Variants in LPIN1 observed in about 807,000 individuals in gnomAD.
LPIN1 encodes lipin 1.
Under a neutral mutation model 107.5 loss-of-function variants are expected in LPIN1, and 71 were observed. That is an observed-to-expected ratio of 0.66 (90% CI 0.55 to 0.80). LPIN1 has a LOEUF of 0.80. Ranked by LOEUF, LPIN1 falls within the 30% of genes least tolerant of loss-of-function variation. The pLI is 0.00. For synonymous variants in LPIN1, 445 were observed against 452.6 expected (o/e 0.98, Z 0.21); for missense variants, 1,043 against 1,160.6 (o/e 0.90, Z 1.47).
intron 1 of LPIN1, among the ~76,000 whole-genome samples, chr2:11,757,335 G>C (rs375435226): frequency 2.9e-4 from 44 of 152,298 alleles, no homozygotes; most frequent in Middle Eastern, 3.4e-3. Context: ...TGTTTTAGCA[G>C]ACAGCAGGAA....
intron 1 of LPIN1, among the ~76,000 whole-genome samples, chr2:11,753,007 C>T (rs1668090879): frequency 6.6e-6 from 1 of 152,108 alleles, no homozygotes; most frequent in Non-Finnish European, 1.5e-5. Context: ...TATGAAATTG[C>T]GGTCGTGAAT....
intron 17 of LPIN1, among the ~76,000 whole-genome samples, chr2:11,809,696 G>A (rs776136518): frequency 3.4e-4 from 51 of 152,200 alleles, no homozygotes; most frequent in South Asian, 2.1e-4. Flanking sequence ...GATTACAGGC[G>A]TGAGCCACTG....
Position 11,707,482 on chromosome 2 carries a change from A to G in LPIN1, c.82-6274A>G, listed in dbSNP as rs1192867202. On this transcript the variant is annotated intron_variant, in intron 1 of 21. Coordinates refer to the LPIN1 transcript ENST00000449576. This position sits in a 1 kb window ranked among gnomAD's most constrained non-coding sequence, Gnocchi z 4.2. ...GAATTTACTGAGCAGACCGGGGAGC[A>G]CGGGAAGTTTTGAGCTGAGGAGTGG... is the stretch of plus-strand genomic sequence containing the variant. Among the ~76,000 whole-genome samples the G allele has an allele frequency of 6.6e-6, 1 of 152,230 alleles. No homozygotes were observed. The highest frequency in any genetic ancestry group is 1.5e-5 in the Non-Finnish European group (1 of 68,034).
intron 1 of LPIN1, among the ~76,000 whole-genome samples, chr2:11,702,313 T>C (rs1453220627): frequency 6.6e-6 from 1 of 152,202 alleles, no homozygotes; most frequent in Non-Finnish European, 1.5e-5. Context: ...GTACACAGGC[T>C]GTCCCTAGTT....
chr2:11,765,664 A>G lies in LPIN1; in HGVS notation c.123A>G (p.Gly41=). 6.2e-7 allele frequency: 1 copy of G among 1,614,050 alleles called. No homozygotes were observed. The highest frequency in any genetic ancestry group is 8.5e-7 in the Non-Finnish European group (1 of 1,179,956). ...IDIIVIRQPN[G]NLQCSPFHVR... ...TCATTGTCATCCGCCAGCCCAATGG[A>G]AACCTCCAATGCTCCCCTTTCCACG... Residue 41 remains glycine (G), a synonymous_variant, in exon 2 of 21, where the codon GGA becomes GGG. Coordinates refer to ENST00000674199, the MANE Select transcript of LPIN1 (RefSeq NM_001349206.2). The surrounding 1 kb of genome is among the most constrained non-coding windows in gnomAD (Gnocchi z 4.4).
At chr2:11,683,091 A>G (rs1488479366) in intron 1 of LPIN1, 1 of 152,176 alleles carries the variant, frequency 6.6e-6, no homozygotes, top group East Asian at 1.9e-4. Context: ...GGCCTTCAAC[A>G]AGGTCCCTTC....
chr2:11,708,974 G>T (rs1339729831), intron 1 of LPIN1, among the ~76,000 whole-genome samples: 3 of 152,134 alleles, frequency 2.0e-5, no homozygotes, highest in Non-Finnish European at 4.4e-5. Flanking sequence ...GAGGGGAAAT[G>T]GAGGCTCAGG....
At chr2:11,779,124 C>A (rs528693608) in intron 6 of LPIN1, among the ~76,000 whole-genome samples, 2 of 152,340 alleles carry the variant, frequency 1.3e-5, no homozygotes, top group South Asian at 4.1e-4. Flanking sequence ...TTTTGCAGCC[C>A]TCTGACAGCA....
chr2:11,741,337 G>A lies in LPIN1; in HGVS notation c.-71-12G>A, dbSNP rs1275976126. Reference sequence around the variant, plus strand: ...AAAAGAACATTTTGTGAATGATGTCGTGTGTCCACAGGTAACTCTGAAGCG... The same window carrying A: ...AAAAGAACATTTTGTGAATGATGTCATGTGTCCACAGGTAACTCTGAAGCG... On this transcript the variant is annotated splice_polypyrimidine_tract_variant and intron_variant, in intron 1 of 21. Coordinates refer to the LPIN1 transcript ENST00000396097. The A allele has an allele frequency of 1.9e-5, 29 of 1,523,414 alleles. No individual in the cohort carries two copies. In the East Asian group the frequency reaches 2.5e-4, roughly 13 times the overall value. 94.4% of individuals were successfully genotyped at this position (1,523,414 alleles called of 1,614,324 possible).
At chr2:11,787,216 G>A in intron 11 of LPIN1, 49 bp downstream of exon 11, 4 of 1,256,438 alleles carry the variant, frequency 3.2e-6, no homozygotes, top group Non-Finnish European at 4.7e-6. Context: ...TACTGTTTCT[G>A]TTTCATGTTT....
chr2:11,787,865 T>C (rs538005017), intron 11 of LPIN1, among the ~76,000 whole-genome samples: 2 of 149,424 alleles, frequency 1.3e-5, no homozygotes, highest in East Asian at 4.0e-4. Flanking sequence ...GGCGTGAACC[T>C]GGGAGTCGGA....
intron 17 of LPIN1, among the ~76,000 whole-genome samples, chr2:11,813,663 C>G (rs771846025): frequency 3.3e-5 from 5 of 152,008 alleles, no homozygotes; most frequent in Non-Finnish European, 5.9e-5. Context: ...GCCTGTAATC[C>G]CAGCATTTTG....
chr2:11,778,411 G>T (rs1053689464), intron 6 of LPIN1, among the ~76,000 whole-genome samples: 2 of 152,228 alleles, frequency 1.3e-5, no homozygotes, highest in African/African-American at 4.8e-5. Flanking sequence ...TATGCAGCTT[G>T]ATCAAAGAGA....
At chr2:11,701,431 C>A (rs1209497228) in intron 1 of LPIN1, among the ~76,000 whole-genome samples, 1 of 152,194 alleles carries the variant, frequency 6.6e-6, no homozygotes, top group African/African-American at 2.4e-5. Context: ...AATCCAGTCC[C>A]TGCTGGTCTC....
chr2:11,729,821 T>C (rs1052968456), intron 1 of LPIN1, among the ~76,000 whole-genome samples: 1 of 152,204 alleles, frequency 6.6e-6, no homozygotes, highest in Admixed American at 6.5e-5. Context: ...AAAATTTTGT[T>C]TTCATTTAAA....
intron 17 of LPIN1, among the ~76,000 whole-genome samples, chr2:11,810,485 G>C (rs1255927115): frequency 6.6e-6 from 1 of 152,188 alleles, no homozygotes; most frequent in Non-Finnish European, 1.5e-5. Flanking sequence ...CAGGAAAGTA[G>C]GCAGGAGCCA....
chr2:11,782,844 C>T (rs968752165), intron 8 of LPIN1, among the ~76,000 whole-genome samples: 3 of 152,186 alleles, frequency 2.0e-5, no homozygotes, highest in African/African-American at 7.2e-5. Context: ...ATCCTGGCCA[C>T]CTCTCTCCTT....
At chr2:11,703,764 A>G (rs917098855) in intron 1 of LPIN1, among the ~76,000 whole-genome samples, 6 of 152,092 alleles carry the variant, frequency 3.9e-5, no homozygotes, top group African/African-American at 1.4e-4. Flanking sequence ...CCCCACATAC[A>G]TGTTCTATTC....
In LPIN1 at chr2:11,767,581, A is replaced by G. The variant is rs1372854143; in HGVS notation, c.193-182A>G. On this transcript the variant is annotated intron_variant, in intron 2 of 20. Transcript: ENST00000674199. Reference sequence around the variant, plus strand: ...CAGGGACCTGCCCTCCCGAACCCAGAACTCCTCCAGTCCTCAAGTGACAGT... The same window carrying G: ...CAGGGACCTGCCCTCCCGAACCCAGGACTCCTCCAGTCCTCAAGTGACAGT... 4.7e-6 allele frequency: 3 copies of G among 644,114 alleles called. No homozygotes were observed. The African/African-American group carries it at 5.4e-5, about 12-fold the overall frequency. The allele number at this position is 644,114 out of a possible 1,614,324, so 39.9% of individuals were successfully genotyped here.
Sources: gnomAD v4.1 joint callset for allele counts (sites outside exome capture counted in the v4.1 genomes callset) on GRCh38, gnomAD v4.1.1 for gene constraint, Gnocchi (gnomAD v3.1) non-coding constraint, MANE v1.5 for transcripts, NCBI Gene and HGNC (gene_info 2026-07-23, HGNC 2026-07-21) for gene names.